The following PRIMPOL variants were observed in gnomAD, a reference collection of about 807,000 sequenced individuals.
The protein encoded by PRIMPOL is primase and DNA directed polymerase, also known as DNA-directed primase/polymerase protein.
A neutral mutation model predicts 63.6 loss-of-function variants in PRIMPOL; 54 were observed. That is an observed-to-expected ratio of 0.85 (90% CI 0.68 to 1.07). PRIMPOL has a LOEUF of 1.07. PRIMPOL is among the 50% of genes least tolerant of loss of function. The pLI, the probability that PRIMPOL is intolerant of heterozygous loss-of-function variation, is 0.00. For synonymous variants in PRIMPOL, 197 were observed against 220.2 expected, an observed-to-expected ratio of 0.89 and a Z score of 0.93; for missense variants, 610 against 648.3, an observed-to-expected ratio of 0.94 and a Z score of 0.64.
intron 5 of PRIMPOL, among the ~76,000 whole-genome samples, chr4:184,662,995 T>G (rs1480536494): frequency 6.8e-6 from 1 of 147,904 alleles, no homozygotes; most frequent in East Asian, 2.0e-4. Context: ...TTACAGCTGG[T>G]AAATTCTGTT....
chr4:184,650,990 C>T (rs74609268), intron 1 of PRIMPOL, among the ~76,000 whole-genome samples: 3,295 of 152,066 alleles, frequency 0.022, 63 homozygotes, highest in Middle Eastern at 0.037. Flanking sequence ...AGGTTAAGGC[C>T]GAGTTTAAAG....
chr4:184,675,392 A>G (rs1753025305), intron 7 of PRIMPOL, among the ~76,000 whole-genome samples: 1 of 152,180 alleles, frequency 6.6e-6, no homozygotes, highest in African/African-American at 2.4e-5. Context: ...ATCTACATAT[A>G]TTTTATGCAT....
chr4:184,674,626 C>G (rs1481736844), intron 7 of PRIMPOL, among the ~76,000 whole-genome samples: 3 of 152,166 alleles, frequency 2.0e-5, no homozygotes, highest in Admixed American at 6.5e-5. Context: ...AACTTAATTA[C>G]TGATAGCCTA....
chr4:184,671,031 C>T (rs1004993305), intron 6 of PRIMPOL, among the ~76,000 whole-genome samples: 1 of 152,116 alleles, frequency 6.6e-6, no homozygotes, highest in African/African-American at 2.4e-5. Flanking sequence ...TATTGTTACA[C>T]ATGAAGCAAC....
intron 11 of PRIMPOL, among the ~76,000 whole-genome samples, chr4:184,690,449 A>G (rs1758206112): frequency 6.6e-6 from 1 of 151,220 alleles, no homozygotes; most frequent in Non-Finnish European, 1.5e-5. Context: ...CCTGCCTTTT[A>G]TTTATTTATT....
intron 8 of PRIMPOL, among the ~76,000 whole-genome samples, chr4:184,681,063 A>G (rs1755496567): frequency 6.6e-6 from 1 of 152,188 alleles, no homozygotes; most frequent in African/African-American, 2.4e-5. Flanking sequence ...TTTAAATATG[A>G]ATCTTACAGA....
At chr4:184,685,542 G>A in intron 10 of PRIMPOL, 34 bp from the exon 11 acceptor site, 1 of 1,593,004 alleles carries the variant, frequency 6.3e-7, no homozygotes, top group Non-Finnish European at 8.6e-7. Flanking sequence ...ATGATAGAGT[G>A]ATAGTAGCTT....
chr4:184,652,669 G>C (rs544902797), intron 2 of PRIMPOL, among the ~76,000 whole-genome samples: 1 of 152,068 alleles, frequency 6.6e-6, no homozygotes, highest in South Asian at 2.1e-4. Context: ...GAAATAGTAC[G>C]AATGCATTCC....
At chr4:184,662,268 A>T (rs1748560738) in intron 5 of PRIMPOL, among the ~76,000 whole-genome samples, 1 of 152,196 alleles carries the variant, frequency 6.6e-6, no homozygotes, top group Non-Finnish European at 1.5e-5. Context: ...GGGTACTGAG[A>T]TGAACCTCAA....
intron 11 of PRIMPOL, among the ~76,000 whole-genome samples, chr4:184,689,549 T>C (rs575488531): frequency 9.4e-3 from 750 of 80,008 alleles, no homozygotes; most frequent in Admixed American, 0.017. Flanking sequence ...GCCTCCTGGC[T>C]TCAAGCAATT....
chr4:184,691,719 A>C lies in PRIMPOL; in HGVS notation c.1425+7A>C, dbSNP rs1411571394. The C allele has an allele frequency of 6.2e-7, 1 of 1,607,910 alleles. No individual in the cohort carries two copies. On this transcript the variant is annotated splice_region_variant and intron_variant, in intron 13 of 13. Transcript: ENST00000314970. Reference sequence around the variant, plus strand: ...CCTGTTTCTTTTCAAAGAGGTAAGTACAGATTTTAGTGTCTTTCTCCTTAC... The same window carrying C: ...CCTGTTTCTTTTCAAAGAGGTAAGTCCAGATTTTAGTGTCTTTCTCCTTAC...
rs148568568 is a variant in PRIMPOL, at chr4:184,657,175, T to C, written c.35T>C (p.Ile12Thr). ...NRKWEAKLKQ[I>T]EERASHYERK... ...AAATGGGAAGCAAAACTGAAGCAAA[T>C]TGAAGAACGAGCATCTCATTATGAG... The change falls in exon 3 of 14, where the codon ATT becomes ACT. Residue 12 changes from isoleucine (I) to threonine (T), a missense_variant. Around this residue, in one of 3 missense-constraint regions of PRIMPOL, gnomAD observed 159 missense variants for 168.9 expected, o/e 0.94. Coordinates refer to ENST00000314970, the MANE Select transcript of PRIMPOL (RefSeq NM_152683.4). 2.9e-5 allele frequency: 46 copies of C among 1,611,096 alleles called. No homozygotes were observed. The highest frequency in any genetic ancestry group is 2.0e-4 in the South Asian group (18 of 90,358).
At chr4:184,679,781 C>T (rs1245971747) in intron 8 of PRIMPOL, among the ~76,000 whole-genome samples, 3 of 152,124 alleles carry the variant, frequency 2.0e-5, no homozygotes, top group Admixed American at 6.5e-5. Flanking sequence ...GCAAATCCTG[C>T]TGTGAACAGC....
chr4:184,658,936 C>A (rs1328753534), intron 3 of PRIMPOL, among the ~76,000 whole-genome samples: 21 of 148,386 alleles, frequency 1.4e-4, no homozygotes, highest in Admixed American at 1.3e-3. Context: ...CTCCTACATA[C>A]ATTTTTTTAT....
intron 7 of PRIMPOL, among the ~76,000 whole-genome samples, chr4:184,673,792 T>C (rs1752569169): frequency 6.6e-6 from 1 of 152,062 alleles, no homozygotes; most frequent in Non-Finnish European, 1.5e-5. Context: ...TGAGGGAAAG[T>C]AGGTTTAAAT....
At position 184,672,176 on chromosome 4, in the gene PRIMPOL, A is replaced by AT. The variant is rs774021595; in HGVS notation, c.566dup (p.Leu189PhefsTer10). 2 of 1,604,980 alleles carry AT rather than the reference A, an allele frequency of 1.2e-6. No homozygotes were observed. Among genetic ancestry groups the AT allele is most frequent in the African/African-American group, 2.7e-5 (2 of 74,070 alleles). On this transcript the variant is annotated frameshift_variant, in exon 7 of 14. Transcript: ENST00000314970. LOFTEE classifies it high-confidence loss of function. The stretch of plus-strand genomic sequence containing the variant: ...TGATAATAGCTTTTTTCCTTAGGTA[A>AT]TTTTTTGAGAAAAATTTTGCAGCCT...
At chr4:184,672,518 G>A (rs1752078666) in intron 7 of PRIMPOL, 58 bp downstream of exon 7, 4 of 1,501,138 alleles carry the variant, frequency 2.7e-6, no homozygotes, top group South Asian at 2.7e-5. Context: ...GTGAGAGACG[G>A]GTTGGTGCCC....
At chr4:184,682,444 G>C (rs181544067) in intron 9 of PRIMPOL, 108 bp downstream of exon 9, 1 of 588,176 alleles carries the variant, frequency 1.7e-6, no homozygotes, top group South Asian at 2.1e-5. Flanking sequence ...CTCCTCCCAG[G>C]CTCAAGCCAT....
intron 11 of PRIMPOL, among the ~76,000 whole-genome samples, chr4:184,690,671 G>T (rs1001687728): frequency 6.6e-6 from 1 of 152,116 alleles, no homozygotes; most frequent in African/African-American, 2.4e-5. Flanking sequence ...TGTTGGCCAG[G>T]CTGGTCTCTT....
Sources: gnomAD v4.1 joint callset for allele counts (sites outside exome capture counted in the v4.1 genomes callset) on GRCh38, gnomAD v4.1.1 for gene constraint, gnomAD v4.1.1 regional missense constraint, MANE v1.5 for transcripts, NCBI Gene and HGNC (gene_info 2026-07-23, HGNC 2026-07-21) for gene names.